The following C11orf97 variants were observed in gnomAD, a reference collection of about 807,000 sequenced individuals.
C11orf97 encodes the protein chromosome 11 open reading frame 97.
Under a neutral mutation model 16.2 loss-of-function variants are expected in C11orf97, and 15 were observed. The observed-to-expected ratio is 0.93, with a 90% CI of 0.62 to 1.43. C11orf97 has a LOEUF of 1.43. Ranked by LOEUF, C11orf97 falls within the 40% of genes most tolerant of loss-of-function variation. The probability of loss-of-function intolerance (pLI) is 0.00; values close to 1 mark genes in which losing one functional copy is unlikely to be tolerated. For synonymous variants in C11orf97, 61 were observed against 65.7 expected (o/e 0.93, Z 0.34); for missense variants, 171 against 161.2 (o/e 1.06, Z -0.33).
At chr11:94,522,812 C>A (rs1382607461) in intron 2 of C11orf97, among the ~76,000 whole-genome samples, 2 of 152,160 alleles carry the variant, frequency 1.3e-5, no homozygotes, top group African/African-American at 4.8e-5. Flanking sequence ...ATATCTGAAC[C>A]AGTTGTCAAT....
intron 2 of C11orf97, among the ~76,000 whole-genome samples, chr11:94,526,975 A>T (rs1318428786): frequency 6.6e-6 from 1 of 152,186 alleles, no homozygotes; most frequent in Non-Finnish European, 1.5e-5. Context: ...TAGTAAAATC[A>T]TTCTCCCTGT....
intron 1 of C11orf97, among the ~76,000 whole-genome samples, chr11:94,513,301 C>T (rs1469421470): frequency 2.0e-5 from 3 of 152,212 alleles, no homozygotes; most frequent in Non-Finnish European, 4.4e-5. Context: ...AAAGACAGTT[C>T]TGGCCCACAG....
At chr11:94,520,051 C>T (rs868727407) in intron 2 of C11orf97, among the ~76,000 whole-genome samples, 3 of 152,216 alleles carry the variant, frequency 2.0e-5, no homozygotes, top group Non-Finnish European at 2.9e-5. Context: ...CCTATAGCTG[C>T]TATTTTTAAA....
chr11:94,530,328 G>A (rs898381053), intron 3 of C11orf97, among the ~76,000 whole-genome samples: 1 of 152,162 alleles, frequency 6.6e-6, no homozygotes, highest in Non-Finnish European at 1.5e-5. Context: ...TCTTTAGGTT[G>A]CCAGCTGCAT....
At chr11:94,516,280 T>G (rs1212994177) in intron 1 of C11orf97, among the ~76,000 whole-genome samples, 4 of 152,166 alleles carry the variant, frequency 2.6e-5, no homozygotes, top group Non-Finnish European at 5.9e-5. Context: ...TGCCCATATA[T>G]ATGTGAGTTT....
chr11:94,528,002 C>A, intron 2 of C11orf97, 82 bp from the exon 3 acceptor site: 3 of 1,318,416 alleles, frequency 2.3e-6, no homozygotes, highest in African/African-American at 1.5e-5. Context: ...ATAAAAAAAT[C>A]ACCAATTAAA....
At chr11:94,525,158 A>G (rs939318093) in intron 2 of C11orf97, among the ~76,000 whole-genome samples, 22 of 152,196 alleles carry the variant, frequency 1.4e-4, no homozygotes, top group Admixed American at 6.5e-5. Flanking sequence ...TTTATTTTAA[A>G]ACTATTTCTG....
At chr11:94,520,287 C>T (rs1214189124) in intron 2 of C11orf97, among the ~76,000 whole-genome samples, 4 of 152,164 alleles carry the variant, frequency 2.6e-5, no homozygotes, top group Non-Finnish European at 5.9e-5. Context: ...ACTTTCTTAG[C>T]TTGGCCTGTA....
intron 2 of C11orf97, among the ~76,000 whole-genome samples, chr11:94,525,841 TC>T (rs1338652814): frequency 1.3e-5 from 2 of 152,196 alleles, no homozygotes; most frequent in African/African-American, 4.8e-5. Flanking sequence ...GAGCTTACCT[TC>T]CCTATAAGAC....
At chr11:94,531,145 T>C (rs796729945) in intron 3 of C11orf97, among the ~76,000 whole-genome samples, 4 of 152,178 alleles carry the variant, frequency 2.6e-5, no homozygotes, top group African/African-American at 9.7e-5. Context: ...CATCTACTGC[T>C]TTCATCACAC....
chr11:94,530,406 C>G (rs1056743063), intron 3 of C11orf97, among the ~76,000 whole-genome samples: 1 of 152,182 alleles, frequency 6.6e-6, no homozygotes, highest in Non-Finnish European at 1.5e-5. Context: ...ATATGTCAGA[C>G]TGGTAACCAA....
At position 94,517,527 on chromosome 11, in the gene C11orf97, C is replaced by G. The variant is rs1477637075; in HGVS notation, c.146-56C>G. On this transcript the variant is annotated intron_variant, in intron 1 of 3. Coordinates refer to ENST00000542198, the MANE Select transcript of C11orf97 (RefSeq NM_001190462.2). ...AATTGTTATCATGTAGATATAATGGCTAGAAGATTGGGCAGTATTTATACT... is the reference window on the plus strand; with the variant it reads ...AATTGTTATCATGTAGATATAATGGGTAGAAGATTGGGCAGTATTTATACT... 6.8e-6 allele frequency: 7 copies of G among 1,036,394 alleles called. No homozygotes were observed. In the Admixed American group the frequency reaches 1.4e-4, roughly 21 times the overall value. The allele number at this position is 1,036,394 out of a possible 1,614,324, so 64.2% of individuals were successfully genotyped here. A position where few individuals can be genotyped will look rare whatever the true frequency, so the allele number is the denominator to read the frequency against.
At chr11:94,516,876 G>C (rs1189393493) in intron 1 of C11orf97, among the ~76,000 whole-genome samples, 2 of 152,180 alleles carry the variant, frequency 1.3e-5, no homozygotes, top group Non-Finnish European at 2.9e-5. Context: ...GGAGCTCAGA[G>C]AGCAAGAGAG....
intron 3 of C11orf97, among the ~76,000 whole-genome samples, chr11:94,531,641 G>A (rs1194141132): frequency 1.3e-5 from 2 of 151,880 alleles, no homozygotes. Context: ...GTCTGGGGTG[G>A]GGTCTGAGAT....
chr11:94,524,675 G>A (rs1406072467), intron 2 of C11orf97, among the ~76,000 whole-genome samples: 1 of 151,062 alleles, frequency 6.6e-6, no homozygotes, highest in Non-Finnish European at 1.5e-5. Context: ...GAACTTTCTG[G>A]ATAAGGAAGA....
At chr11:94,522,934 TAAC>T (rs1424887556) in intron 2 of C11orf97, among the ~76,000 whole-genome samples, 7 of 152,140 alleles carry the variant, frequency 4.6e-5, no homozygotes, top group African/African-American at 1.4e-4. Context: ...CCATTTGTAT[TAAC>T]AACAGTGGCT....
At chr11:94,527,246 A>G (rs115328319) in intron 2 of C11orf97, among the ~76,000 whole-genome samples, 1,947 of 152,308 alleles carry the variant, frequency 0.013, 41 homozygotes, top group African/African-American at 0.044. Context: ...ATCAAATATC[A>G]GTGAGGATGC....
chr11:94,525,420 A>G (rs1351050872), intron 2 of C11orf97, among the ~76,000 whole-genome samples: 1 of 152,358 alleles, frequency 6.6e-6, no homozygotes, highest in African/African-American at 2.4e-5. Context: ...TTAATTTTGA[A>G]TCCAGTTTAT....
chr11:94,512,621 G>T lies in C11orf97; in HGVS notation c.93G>T (p.Gly31=). The T allele has an allele frequency of 7.9e-7, 1 of 1,263,468 alleles. No homozygotes were observed. The highest frequency in any genetic ancestry group is 3.1e-5 in the East Asian group (1 of 31,876). The allele number at this position is 1,263,468 out of a possible 1,614,324, so 78.3% of individuals were successfully genotyped here. The change falls in exon 1 of 4, where the codon GGG becomes GGT. Residue 31 remains glycine, a synonymous_variant. Transcript: ENST00000542198. ...AGCCTCCTCCGCCAGCAGGGCTGGG[G>T]TGCGGGGCGCGCGGGGAACCCGGCC... The part of the protein sequence containing the change: ...EEQPPPPAGL[G]CGARGEPGRG...
Sources: allele counts gnomAD v4.1 joint callset (sites outside exome capture counted in the v4.1 genomes callset), GRCh38; gene constraint gnomAD v4.1.1; transcripts MANE v1.5; gene names NCBI Gene and HGNC (gene_info 2026-07-23, HGNC 2026-07-21).